The following FMN1 variants were observed in gnomAD, a reference collection of about 807,000 sequenced individuals.
FMN1 encodes the protein formin-1.
A neutral mutation model predicts 132.4 loss-of-function variants in FMN1; 110 were observed. That is an observed-to-expected ratio of 0.83 (90% CI 0.71 to 0.97). The LOEUF (loss-of-function observed/expected upper bound fraction) is 0.97, where lower values mean the gene tolerates loss of function less well. Among genes scored for constraint, FMN1 ranks in the 50% least tolerant of loss-of-function variants. FMN1 has a pLI of 0.00. For missense variants in FMN1, 1,792 were observed against 1,705.3 expected, an observed-to-expected ratio of 1.05 and a Z score of -0.90; for synonymous variants, 722 against 651.7, an observed-to-expected ratio of 1.11 and a Z score of -1.64.
intron 17 of FMN1, among the ~76,000 whole-genome samples, chr15:32,805,460 ACT>A (rs1367611816): frequency 6.6e-6 from 1 of 151,812 alleles, no homozygotes; most frequent in Non-Finnish European, 1.5e-5. Context: ...TTGCCTGTTC[ACT>A]CTGATGACAG....
At chr15:33,165,019 C>T (rs183489271) in intron 3 of FMN1, among the ~76,000 whole-genome samples, 67 of 152,268 alleles carry the variant, frequency 4.4e-4, no homozygotes, top group Admixed American at 4.0e-3. Flanking sequence ...CAATCAAATA[C>T]TAGTTCTTAT....
intron 6 of FMN1, among the ~76,000 whole-genome samples, chr15:33,018,120 G>A (rs11072124): frequency 0.25 from 37,741 of 151,614 alleles, 5,200 homozygotes; most frequent in Non-Finnish European, 0.31. Context: ...TAAGGTGATG[G>A]TACTAGGAGA....
chr15:33,136,246 T>A (rs540137898), intron 4 of FMN1, among the ~76,000 whole-genome samples: 3 of 152,304 alleles, frequency 2.0e-5, no homozygotes, highest in South Asian at 2.1e-4. Context: ...CTTAGCTCCA[T>A]CCTCACTCAA....
chr15:32,938,266 C>T (rs973995580), intron 9 of FMN1, among the ~76,000 whole-genome samples: 4 of 152,086 alleles, frequency 2.6e-5, no homozygotes, highest in African/African-American at 9.7e-5. Context: ...CTGTGGCTCA[C>T]ACCTGTAATC....
chr15:33,062,349 C>T (rs546322652), intron 6 of FMN1, among the ~76,000 whole-genome samples: 62 of 152,196 alleles, frequency 4.1e-4, no homozygotes, highest in Non-Finnish European at 6.3e-4. Context: ...AGGCCAGGCA[C>T]GGTGGCTCAC....
At chr15:33,075,410 G>C (rs1168729428) in intron 5 of FMN1, among the ~76,000 whole-genome samples, 2 of 152,140 alleles carry the variant, frequency 1.3e-5, no homozygotes, top group Non-Finnish European at 2.9e-5. Flanking sequence ...TTGGGCAGAA[G>C]GACTACATAC....
chr15:33,049,998 C>A (rs2036893011), intron 6 of FMN1, among the ~76,000 whole-genome samples: 1 of 152,150 alleles, frequency 6.6e-6, no homozygotes, highest in Non-Finnish European at 1.5e-5. Flanking sequence ...CCAATATAAC[C>A]ATTCTATTTT....
At chr15:33,144,796 C>CA (rs1237007700) in intron 4 of FMN1, among the ~76,000 whole-genome samples, 2 of 152,094 alleles carry the variant, frequency 1.3e-5, no homozygotes, top group Non-Finnish European at 2.9e-5. Context: ...ATAAACAACT[C>CA]ATTGTGAGCT....
At chr15:32,934,371 G>C (rs1485630146) in intron 9 of FMN1, among the ~76,000 whole-genome samples, 3 of 151,930 alleles carry the variant, frequency 2.0e-5, no homozygotes, top group African/African-American at 7.2e-5. Context: ...AGTTAAAAGT[G>C]ATTTATCCGC....
intron 6 of FMN1, among the ~76,000 whole-genome samples, chr15:33,050,476 C>T (rs550289414): frequency 2.4e-4 from 37 of 151,928 alleles, no homozygotes; most frequent in Admixed American, 5.9e-4. Context: ...ACCAAGAACA[C>T]CAGGAAGCTC....
chr15:33,190,025 G>A (rs1435111126), intron 2 of FMN1, among the ~76,000 whole-genome samples: 1 of 152,116 alleles, frequency 6.6e-6, no homozygotes, highest in Non-Finnish European at 1.5e-5. Flanking sequence ...TTTGAAAATG[G>A]TAACAAAGAT....
At chr15:33,021,187 T>G (rs1286689282) in intron 6 of FMN1, among the ~76,000 whole-genome samples, 2 of 152,208 alleles carry the variant, frequency 1.3e-5, no homozygotes, top group Admixed American at 1.3e-4. Flanking sequence ...CTAGCCACAG[T>G]CAGCAGTCAA....
chr15:33,030,843 T>G (rs1481234446), intron 6 of FMN1, among the ~76,000 whole-genome samples: 1 of 152,122 alleles, frequency 6.6e-6, no homozygotes, highest in African/African-American at 2.4e-5. Flanking sequence ...ATTAATATAC[T>G]TTAAGTTCTG....
intron 17 of FMN1, among the ~76,000 whole-genome samples, chr15:32,848,138 C>T (rs2058904625): frequency 6.6e-6 from 1 of 151,994 alleles, no homozygotes; most frequent in African/African-American, 2.4e-5. Context: ...ATATGAGGAA[C>T]AGGTAAAACA....
intron 6 of FMN1, among the ~76,000 whole-genome samples, chr15:33,015,896 T>C (rs986693591): frequency 2.0e-4 from 31 of 152,224 alleles, no homozygotes; most frequent in Admixed American, 2.0e-3. Flanking sequence ...TCACTGATAA[T>C]GCTTCCCAGA....
At chr15:33,073,608 A>G (rs1181698565) in intron 5 of FMN1, among the ~76,000 whole-genome samples, 1 of 151,914 alleles carries the variant, frequency 6.6e-6, no homozygotes, top group Non-Finnish European at 1.5e-5. Flanking sequence ...ATAAGGAGTC[A>G]AAAAAATGTC....
chr15:32,963,272 T>C (rs2140592398), intron 9 of FMN1, among the ~76,000 whole-genome samples: 1 of 146,376 alleles, frequency 6.8e-6, no homozygotes, highest in South Asian at 2.1e-4. Flanking sequence ...ATATTCTCAC[T>C]CATAGGTGGA....
intron 6 of FMN1, among the ~76,000 whole-genome samples, chr15:33,015,637 G>A (rs1445620048): frequency 1.3e-5 from 2 of 151,940 alleles, no homozygotes; most frequent in Non-Finnish European, 2.9e-5. Flanking sequence ...TGATATGTCC[G>A]GCCTGTGCCT....
At chr15:32,789,213 T>C (rs961318209) in intron 19 of FMN1, among the ~76,000 whole-genome samples, 1 of 152,172 alleles carries the variant, frequency 6.6e-6, no homozygotes, top group African/African-American at 2.4e-5. Flanking sequence ...CTATGATTTA[T>C]CTAAAAGAGA....
Sources: gnomAD v4.1 joint callset for allele counts (sites outside exome capture counted in the v4.1 genomes callset) on GRCh38, gnomAD v4.1.1 for gene constraint, MANE v1.5 for transcripts, NCBI Gene and HGNC (gene_info 2026-07-23, HGNC 2026-07-21) for gene names.